The following TRIM41 variants were observed in gnomAD, a reference collection of about 807,000 sequenced individuals.
TRIM41 encodes tripartite motif containing 41, also known as E3 ubiquitin-protein ligase TRIM41.
TRIM41 carries 21 observed loss-of-function variants against 60.6 expected under a neutral mutation model. That is an observed-to-expected ratio of 0.35 (90% CI 0.25 to 0.50). The LOEUF (loss-of-function observed/expected upper bound fraction) is 0.50, where lower values mean the gene tolerates loss of function less well. Ranked by LOEUF, TRIM41 falls within the 20% of genes least tolerant of loss-of-function variation. The pLI, the probability that TRIM41 is intolerant of heterozygous loss-of-function variation, is 0.98. For missense variants in TRIM41, 846 were observed against 868.3 expected (o/e 0.97, Z 0.32); for synonymous variants, 407 against 344.9 (o/e 1.18, Z -2.00).
In TRIM41 at chr5:181,231,812, C is replaced by T. The variant is rs552658503; in HGVS notation, c.910-847C>T. 4.6e-5 allele frequency: 7 copies of T among 152,380 alleles called. No homozygotes were observed. In the East Asian group the frequency reaches 1.3e-3, roughly 29 times the overall value. 9.4% of individuals were successfully genotyped at this position (152,380 alleles called of 1,614,324 possible). On this transcript the variant is annotated intron_variant, in intron 2 of 5. Coordinates refer to ENST00000315073, the MANE Select transcript of TRIM41 (RefSeq NM_033549.5). ...CACGCGTCTGGTCAGTTGGGACCCT[C>T]CTCTGGCCTGCTGCTCACAGCGTCT...
chr5:181,224,575 G>T lies in TRIM41; in HGVS notation c.576G>T (p.Arg192=). ...TCPQCRKSFP[R]RSFRPNLQLA... is the part of the protein sequence containing the mutation. ...CTCAGTGCCGAAAGAGCTTTCCTCG[G>T]CGGAGCTTCCGCCCCAACCTGCAGC... The change falls in exon 1 of 6, where the codon CGG becomes CGT. Residue 192 remains arginine, a synonymous_variant. Coordinates refer to ENST00000315073, the MANE Select transcript of TRIM41 (RefSeq NM_033549.5). 6.2e-7 allele frequency: 1 copy of T among 1,614,142 alleles called. No homozygotes were observed. The highest frequency in any genetic ancestry group is 8.5e-7 in the Non-Finnish European group (1 of 1,179,956).
In TRIM41 at chr5:181,235,322, T is replaced by C. The variant is rs780651777; in HGVS notation, c.*547T>C. 3 of 1,614,032 alleles carry C rather than the reference T, an allele frequency of 1.9e-6. No individual in the cohort carries two copies. The highest frequency in any genetic ancestry group is 1.7e-5 in the Admixed American group (1 of 60,008). ...CTCCTGGGGAGGAGGGATTCTAAAC[T>C]TTCCTTCCGTCCTCAATTTCTACCT... is the stretch of plus-strand genomic sequence containing the variant. On this transcript the variant is annotated 3_prime_UTR_variant, in exon 6 of 6. Coordinates refer to ENST00000315073, the MANE Select transcript of TRIM41 (RefSeq NM_033549.5).
In TRIM41 at chr5:181,235,148, C is replaced by T. The variant is rs1324632420; in HGVS notation, c.*373C>T. The T allele has an allele frequency of 1.9e-6, 3 of 1,549,852 alleles. No individual in the cohort carries two copies. The highest frequency in any genetic ancestry group is 2.6e-6 in the Non-Finnish European group (3 of 1,147,374). ...TTTCCCCACCCCTGCTCTTCAACCT[C>T]TTTATCAGTTCTGAGGCTGGAGGGT... On this transcript the variant is annotated 3_prime_UTR_variant, in exon 6 of 6. Coordinates refer to ENST00000315073, the MANE Select transcript of TRIM41 (RefSeq NM_033549.5).
chr5:181,234,771 C>G lies in TRIM41; in HGVS notation c.1889C>G (p.Pro630Arg). 1.2e-6 allele frequency: 2 copies of G among 1,609,412 alleles called. No homozygotes were observed. Among genetic ancestry groups the G allele is most frequent in the Non-Finnish European group, 1.7e-6 (2 of 1,177,460 alleles). ...AAGGGCACCCGCATCAAGCTCTGCC[C>G]TTGATTATCCTGCCACCCGCAGGGG... ...LSKGTRIKLC[P>R] is the part of the protein sequence containing the mutation. The change falls in exon 6 of 6, where the codon CCT (proline) becomes CGT (arginine). Residue 630 changes from proline to arginine, a missense_variant. Coordinates refer to ENST00000315073, the MANE Select transcript of TRIM41 (RefSeq NM_033549.5). This position sits in a 1 kb window ranked among gnomAD's most constrained non-coding sequence, Gnocchi z 5.6.
At position 181,223,738 on chromosome 5, in the gene TRIM41, G is replaced by A; in HGVS notation, c.-262G>A. On this transcript the variant is annotated 5_prime_UTR_variant, in exon 1 of 6. Coordinates refer to ENST00000315073, the MANE Select transcript of TRIM41 (RefSeq NM_033549.5). The stretch of plus-strand genomic sequence containing the variant: ...AGGAGTCCAAGGGAGCATTGGGGCA[G>A]ACTTGTACTCAGAGCCACCTGAGGG... 1 of 591,054 alleles carries A rather than the reference G, an allele frequency of 1.7e-6. No individual in the cohort carries two copies. Among genetic ancestry groups the A allele is most frequent in the Non-Finnish European group, 3.0e-6 (1 of 332,010 alleles). 36.6% of individuals were successfully genotyped at this position (591,054 alleles called of 1,614,324 possible).
chr5:181,234,012 A>G lies in TRIM41; in HGVS notation c.1292-162A>G. ...AAGACCTGTCAGGTATCCTAGGAACAAGAGTGAGGAGCAAGATGAGCCTGC... is the reference window on the plus strand; with the variant it reads ...AAGACCTGTCAGGTATCCTAGGAACGAGAGTGAGGAGCAAGATGAGCCTGC... On this transcript the variant is annotated intron_variant, in intron 5 of 5. Coordinates refer to ENST00000315073, the MANE Select transcript of TRIM41 (RefSeq NM_033549.5). This position sits in a 1 kb window ranked among gnomAD's most constrained non-coding sequence, Gnocchi z 5.6. 1 of 1,325,166 alleles carries G rather than the reference A, an allele frequency of 7.5e-7. No homozygotes were observed. The allele number at this position is 1,325,166 out of a possible 1,614,324, so 82.1% of individuals were successfully genotyped here.
chr5:181,223,691 TGAG>T lies in TRIM41; in HGVS notation c.-304_-302del, dbSNP rs1311732863. 3 of 473,886 alleles carry T rather than the reference TGAG, an allele frequency of 6.3e-6. No homozygotes were observed. Among genetic ancestry groups the T allele is most frequent in the Non-Finnish European group, 1.1e-5 (3 of 269,016 alleles). The allele number at this position is 473,886 out of a possible 1,614,324, so 29.4% of individuals were successfully genotyped here. ...GGAAGCTAGGGGCGGGGCCAGGAAG[TGAG>T]GAGGGGCGGGGGTTTATGAGGAGTC... is the stretch of plus-strand genomic sequence containing the variant. On this transcript the variant is annotated 5_prime_UTR_variant, in exon 1 of 6. Transcript: ENST00000315073.
Position 181,232,724 on chromosome 5 carries a change from T to G in TRIM41, c.975T>G (p.Ala325=), listed in dbSNP as rs1446406279. The change falls in exon 3 of 6, where the codon GCT becomes GCG. Residue 325 remains alanine (A), a synonymous_variant. Coordinates refer to ENST00000315073, the MANE Select transcript of TRIM41 (RefSeq NM_033549.5). ...SEFGRLTRFL[A]EEQAGLERRL... ...TTGGGCGACTGACACGGTTTCTGGC[T>G]GAAGAGCAGGCAGGGCTGGAACGGC... The G allele has an allele frequency of 1.2e-6, 2 of 1,613,966 alleles. No individual in the cohort carries two copies. The highest frequency in any genetic ancestry group is 1.7e-6 in the Non-Finnish European group (2 of 1,180,022).
chr5:181,232,652 A>G lies in TRIM41; in HGVS notation c.910-7A>G. 6.2e-7 allele frequency: 1 copy of G among 1,612,760 alleles called. No homozygotes were observed. The highest frequency in any genetic ancestry group is 8.5e-7 in the Non-Finnish European group (1 of 1,179,558). On this transcript the variant is annotated splice_region_variant and splice_polypyrimidine_tract_variant and intron_variant, in intron 2 of 5. Coordinates refer to ENST00000315073, the MANE Select transcript of TRIM41 (RefSeq NM_033549.5). ...TGGTGTCTGCCATCCCCTTTGCACC[A>G]TTCCAGAGCCAGATGAAGTCAGAGC...
rs1447108692 is a variant in TRIM41, at chr5:181,224,171, G to T, written c.172G>T (p.Glu58Ter). The change falls in exon 1 of 6, where the codon GAG (glutamate) becomes TAG (stop). Residue 58 changes from glutamate to a stop codon, truncating the protein, a stop_gained. Coordinates refer to ENST00000315073, the MANE Select transcript of TRIM41 (RefSeq NM_033549.5). LOFTEE classifies it high-confidence loss of function. ...TGGGGAGGATGAGGAGGACAGAGAT[G>T]AGTTAGATCGGGAGGAGGAGGAGGA... The part of the protein sequence containing the change: ...WGGEDEEDRD[E>*]LDREEEEEDG... The T allele has an allele frequency of 6.2e-7, 1 of 1,614,236 alleles. No individual in the cohort carries two copies. Among genetic ancestry groups the T allele is most frequent in the Admixed American group, 1.7e-5 (1 of 60,032 alleles).
Position 181,234,562 on chromosome 5 carries a change from G to A in TRIM41, c.1680G>A (p.Gln560=). ...WCVGTNGKRY[Q]AQSSTEQTLL... ...TGGGCACCAACGGCAAACGCTATCA[G>A]GCCCAGAGCTCCACAGAACAGACGC... The change falls in exon 6 of 6, where the codon CAG becomes CAA. Residue 560 remains glutamine (Q), a synonymous_variant. Coordinates refer to ENST00000315073, the MANE Select transcript of TRIM41 (RefSeq NM_033549.5). This position sits in a 1 kb window ranked among gnomAD's most constrained non-coding sequence, Gnocchi z 5.6. 6 of 1,614,248 alleles carry A rather than the reference G, an allele frequency of 3.7e-6. No individual in the cohort carries two copies. Among genetic ancestry groups the A allele is most frequent in the Non-Finnish European group, 5.1e-6 (6 of 1,180,026 alleles).
Position 181,235,246 on chromosome 5 carries a change from T to A in TRIM41, c.*471T>A. 1.9e-6 allele frequency: 3 copies of A among 1,599,904 alleles called. No individual in the cohort carries two copies. Among genetic ancestry groups the A allele is most frequent in the Non-Finnish European group, 2.6e-6 (3 of 1,171,138 alleles). On this transcript the variant is annotated 3_prime_UTR_variant, in exon 6 of 6. Transcript: ENST00000315073. ...TTTAGCTGAGGGATTTGGAAGCCAT[T>A]TGGGGAGGCAGGCTGGGCCAAAGGG... is the stretch of plus-strand genomic sequence containing the variant.
chr5:181,234,792 A>AG lies in TRIM41; in HGVS notation c.*21dup. The AG allele has an allele frequency of 6.2e-7, 1 of 1,606,834 alleles. No individual in the cohort carries two copies. Among genetic ancestry groups the AG allele is most frequent in the Non-Finnish European group, 8.5e-7 (1 of 1,175,998 alleles). On this transcript the variant is annotated 3_prime_UTR_variant, in exon 6 of 6. Transcript: ENST00000315073. This position sits in a 1 kb window ranked among gnomAD's most constrained non-coding sequence, Gnocchi z 5.6. ...TGCCCTTGATTATCCTGCCACCCGC[A>AG]GGGGCCCCTCTGTCAGCACTTGGGG...
At position 181,234,611 on chromosome 5, in the gene TRIM41, A is replaced by C. The variant is rs1418572048; in HGVS notation, c.1729A>C (p.Arg577=). ...GCTGCTGAGCCCCAGTGAGAAACCA[A>C]GGCGCTTTGGTGTGTACCTGGACTA... The part of the protein sequence containing the change: ...QTLLSPSEKP[R]RFGVYLDYEA... Residue 577 remains arginine, a synonymous_variant, in exon 6 of 6, where the codon AGG becomes CGG. Transcript: ENST00000315073. This position sits in a 1 kb window ranked among gnomAD's most constrained non-coding sequence, Gnocchi z 5.6. The C allele has an allele frequency of 6.2e-7, 1 of 1,614,066 alleles. No homozygotes were observed. Among genetic ancestry groups the C allele is most frequent in the Non-Finnish European group, 8.5e-7 (1 of 1,179,888 alleles).
At position 181,233,167 on chromosome 5, in the gene TRIM41, G is replaced by T; in HGVS notation, c.1141-246G>T. Reference sequence around the variant, plus strand: ...TTTTGACAGTGACATCCTGAAAAAGGTGAGCAAGTCGTATTGTGGAAATGA... The same window carrying T: ...TTTTGACAGTGACATCCTGAAAAAGTTGAGCAAGTCGTATTGTGGAAATGA... On this transcript the variant is annotated intron_variant, in intron 3 of 5. Transcript: ENST00000315073. This position sits in a 1 kb window ranked among gnomAD's most constrained non-coding sequence, Gnocchi z 4.1. The T allele has an allele frequency of 1.4e-6, 1 of 713,512 alleles. No individual in the cohort carries two copies. The highest frequency in any genetic ancestry group is 2.7e-5 in the East Asian group (1 of 37,334). 44.2% of individuals were successfully genotyped at this position (713,512 alleles called of 1,614,324 possible).
chr5:181,235,491 C>G lies in TRIM41; in HGVS notation c.*716C>G. 6.6e-7 allele frequency: 1 copy of G among 1,519,542 alleles called. No homozygotes were observed. The allele number at this position is 1,519,542 out of a possible 1,614,324, so 94.1% of individuals were successfully genotyped here. A position where few individuals can be genotyped will look rare whatever the true frequency, so the allele number is the denominator to read the frequency against. On this transcript the variant is annotated 3_prime_UTR_variant, in exon 6 of 6. Transcript: ENST00000315073. The stretch of plus-strand genomic sequence containing the variant: ...CCCCTTCCCTTTTCCAGCACTCAAC[C>G]AAGGAGCAAAGCTCATCCCACCCCA...
Position 181,225,301 on chromosome 5 carries a change from A to G in TRIM41, c.813+489A>G, listed in dbSNP as rs935550530. On this transcript the variant is annotated intron_variant, in intron 1 of 5. Transcript: ENST00000315073. ...ACGATATGGCTTGGTTCTGTCTTCAAGGACTTTGGTTGGCTCTGTGTCATT... is the reference window on the plus strand; with the variant it reads ...ACGATATGGCTTGGTTCTGTCTTCAGGGACTTTGGTTGGCTCTGTGTCATT... 2.2e-5 allele frequency: 4 copies of G among 185,854 alleles called. No homozygotes were observed. In the East Asian group the frequency reaches 3.8e-4, roughly 18 times the overall value. The allele number at this position is 185,854 out of a possible 1,614,324, so 11.5% of individuals were successfully genotyped here.
At position 181,233,795 on chromosome 5, in the gene TRIM41, C is replaced by A. The variant is rs183503148; in HGVS notation, c.1291+32C>A. On this transcript the variant is annotated intron_variant, in intron 5 of 5. Transcript: ENST00000315073. This position sits in a 1 kb window ranked among gnomAD's most constrained non-coding sequence, Gnocchi z 4.1. ...AGGTCACCTCCACGACCTTCCTTTG[C>A]CTTTCCCTTCACAGACCTGAGACTG... 1.1e-3 allele frequency: 1,777 copies of A among 1,614,072 alleles called. 22 individuals carry two copies. The African/African-American group carries it at 0.021, about 19-fold the overall frequency.
chr5:181,224,253 C>G lies in TRIM41; in HGVS notation c.254C>G (p.Pro85Arg). The G allele has an allele frequency of 6.2e-7, 1 of 1,613,384 alleles. No individual in the cohort carries two copies. Among genetic ancestry groups the G allele is most frequent in the Non-Finnish European group, 8.5e-7 (1 of 1,179,796 alleles). The part of the protein sequence containing the change: ...AVGAGAGWDT[P>R]MRDEDYEGDM... ...GGGGCTGGCGCGGGGTGGGACACCC[C>G]CATGCGGGATGAAGACTACGAGGGT... Residue 85 changes from proline (P) to arginine (R), a missense_variant, in exon 1 of 6, where the codon CCC becomes CGC. By Grantham distance (103) the Pro-to-Arg change is moderately radical. Transcript: ENST00000315073.
Sources: gnomAD v4.1 joint callset for allele counts on GRCh38, gnomAD v4.1.1 for gene constraint, Gnocchi (gnomAD v3.1) non-coding constraint, MANE v1.5 for transcripts, NCBI Gene and HGNC (gene_info 2026-07-23, HGNC 2026-07-21) for gene names.